AR: variants seen among roughly 807,000 people sequenced by gnomAD.
AR encodes the protein androgen receptor.
AR carries 8 observed loss-of-function variants against 53.9 expected under a neutral mutation model. That is an observed-to-expected ratio of 0.15 (90% confidence interval 0.09 to 0.27). The LOEUF is 0.27. Ranked by LOEUF, AR falls within the 10% of genes least tolerant of loss-of-function variation. The pLI, the probability that AR is intolerant of heterozygous loss-of-function variation, is 1.00. For missense variants in AR, 639 were observed against 742.5 expected, an observed-to-expected ratio of 0.86 and a Z score of 1.62; for synonymous variants, 359 against 316.4, an observed-to-expected ratio of 1.13 and a Z score of -1.43.
chrX:67,640,568 T>A, intron 1 of AR, among the ~76,000 whole-genome samples: 1 of 111,535 alleles, frequency 9.0e-6, no homozygotes, highest in East Asian at 2.8e-4. Context: ...TTCAGGAATT[T>A]ATCTATTTCT....
At position 67,648,551 on chromosome X, in the gene AR, T is replaced by A. The variant is rs181017223; in HGVS notation, c.1768+5144T>A. On this transcript the variant is annotated intron_variant, in intron 2 of 7. Transcript: ENST00000374690. ...ACACTCACCGGCTTAATTCTGGGCC[T>A]CCCCATAACACGACTAGACCACAGG... Among the ~76,000 whole-genome samples the A allele has an allele frequency of 2.7e-5, 3 of 111,505 alleles. No individual in the cohort carries two copies. In the Admixed American group the frequency reaches 2.9e-4, roughly 11 times the overall value.
chrX:67,727,706 C>T lies in AR; in HGVS notation c.*3865C>T, dbSNP rs2147545559. On this transcript the variant is annotated 3_prime_UTR_variant, in exon 8 of 8. Transcript: ENST00000374690. ...TCTCTCCAGACAGCCCAGTAACTAC[C>T]CGAGCATGGCCCCTGCATAGCCCTG... 5.8e-6 allele frequency: 1 copy of T among 172,485 alleles called. No homozygotes were observed. Among genetic ancestry groups the T allele is most frequent in the East Asian group, 8.3e-5 (1 of 12,050 alleles). 14.2% of individuals were successfully genotyped at this position (172,485 alleles called of 1,213,427 possible). A position where few individuals can be genotyped will look rare whatever the true frequency, so the allele number is the denominator to read the frequency against.
chrX:67,618,686 G>C (rs1924229629), intron 1 of AR, among the ~76,000 whole-genome samples: 1 of 111,591 alleles, frequency 9.0e-6, no homozygotes, highest in Non-Finnish European at 1.9e-5. Flanking sequence ...ATTCTATCTA[G>C]GGATAGAGTC....
intron 2 of AR, among the ~76,000 whole-genome samples, chrX:67,675,447 G>A (rs746696598): frequency 9.0e-6 from 1 of 111,711 alleles, no homozygotes; most frequent in Non-Finnish European, 1.9e-5. Flanking sequence ...CACAGTGACA[G>A]GGCTTGCCAG....
rs752528380 is a variant in AR at position 67,605,243 on chromosome X, C to A, written c.1617-38013C>A. Among the ~76,000 whole-genome samples, 7 of 112,322 alleles carry A rather than the reference C, an allele frequency of 6.2e-5. No homozygotes were observed. In the South Asian group the frequency reaches 1.5e-3, roughly 24 times the overall value. On this transcript the variant is annotated intron_variant, in intron 1 of 7. Coordinates refer to ENST00000374690, the MANE Select transcript of AR (RefSeq NM_000044.6). ...TTGGAACAGTGTCCTTCACTTTTGT[C>A]CCTCAGGGACCAGTGTGAGAATGGG...
Position 67,705,164 on chromosome X carries a change from T to G in AR, c.1886-6238T>G, listed in dbSNP as rs184451958. Among the ~76,000 whole-genome samples the G allele has an allele frequency of 2.5e-3, 283 of 111,710 alleles. 1 individual carries two copies. The highest frequency in any genetic ancestry group is 8.2e-3 in the African/African-American group (253 of 30,719). ...GGTTCCATATGAACTTTAAAGTAGT[T>G]TTCTCCAATTCTGTGGAGAAAGTCA... On this transcript the variant is annotated intron_variant, in intron 3 of 7. Coordinates refer to ENST00000374690, the MANE Select transcript of AR (RefSeq NM_000044.6).
At chrX:67,654,807 G>A (rs1218525402) in intron 2 of AR, among the ~76,000 whole-genome samples, 2 of 101,003 alleles carry the variant, frequency 2.0e-5, no homozygotes, top group African/African-American at 7.3e-5. Flanking sequence ...GAAGCTGGAT[G>A]AATATTTTTA....
At chrX:67,555,887 A>G (rs919279914) in intron 1 of AR, among the ~76,000 whole-genome samples, 1 of 112,475 alleles carries the variant, frequency 8.9e-6, no homozygotes, top group Non-Finnish European at 1.9e-5. Flanking sequence ...GATAACTTGA[A>G]CCAGAACTGC....
intron 2 of AR, among the ~76,000 whole-genome samples, chrX:67,663,124 AT>A (rs1377234346): frequency 9.0e-6 from 1 of 111,593 alleles, no homozygotes; most frequent in Non-Finnish European, 1.9e-5. Context: ...GCCCATTTAC[AT>A]TTAAGGTTAA....
intron 2 of AR, among the ~76,000 whole-genome samples, chrX:67,681,435 G>A (rs753505761): frequency 2.7e-5 from 3 of 111,969 alleles, no homozygotes; most frequent in Non-Finnish European, 5.6e-5. Flanking sequence ...CACTCAGAAC[G>A]CTTTGTCTTC....
intron 3 of AR, among the ~76,000 whole-genome samples, chrX:67,702,374 G>A (rs1486354530): frequency 1.8e-5 from 2 of 111,372 alleles, no homozygotes; most frequent in African/African-American, 6.5e-5. Flanking sequence ...AGTCTGTGGA[G>A]CTGTGTCCAA....
At chrX:67,618,736 G>A (rs1455191034) in intron 1 of AR, among the ~76,000 whole-genome samples, 2 of 111,285 alleles carry the variant, frequency 1.8e-5, no homozygotes, top group Non-Finnish European at 3.8e-5. Flanking sequence ...CTCTTGGGCT[G>A]AGACCTGAGT....
intron 1 of AR, among the ~76,000 whole-genome samples, chrX:67,626,653 T>C (rs1433961782): frequency 9.9e-6 from 1 of 101,375 alleles, no homozygotes; most frequent in Non-Finnish European, 2.0e-5. Flanking sequence ...TATTATACTT[T>C]AAGTTTTAGG....
chrX:67,546,511 TGGTGGCGGC>T lies in AR; in HGVS notation c.1368_1376del (p.Gly471_Gly473del), dbSNP rs1555969927. On this transcript the variant is annotated inframe_deletion, in exon 1 of 8. Coordinates refer to ENST00000374690, the MANE Select transcript of AR (RefSeq NM_000044.6). ...ATGGACCGTGTGGTGGTGGTGGGGG[TGGTGGCGGC>T]GGCGGCGGCGGCGGCGGCGGCGGCG... The T allele has an allele frequency of 5.9e-6, 3 of 511,604 alleles. No homozygotes were observed. The highest frequency in any genetic ancestry group is 8.1e-6 in the Non-Finnish European group (3 of 371,753). The allele number at this position is 511,604 out of a possible 1,213,427, so 42.2% of individuals were successfully genotyped here.
chrX:67,588,661 G>A (rs1001638316), intron 1 of AR, among the ~76,000 whole-genome samples: 2 of 112,230 alleles, frequency 1.8e-5, no homozygotes, highest in African/African-American at 6.5e-5. Flanking sequence ...GCTGATGCCC[G>A]GCTGATGCCC....
intron 2 of AR, among the ~76,000 whole-genome samples, chrX:67,646,850 G>A (rs1424097694): frequency 4.5e-5 from 5 of 111,008 alleles, no homozygotes; most frequent in Admixed American, 1.9e-4. Flanking sequence ...ACCTGCATAA[G>A]TTTTTGGTCT....
At chrX:67,580,179 A>T (rs1922229796) in intron 1 of AR, among the ~76,000 whole-genome samples, 1 of 110,082 alleles carries the variant, frequency 9.1e-6, no homozygotes, top group African/African-American at 3.3e-5. Context: ...AAAAAAAAAA[A>T]GCATCTCCAG....
At chrX:67,643,888 A>G (rs1195122382) in intron 2 of AR, among the ~76,000 whole-genome samples, 1 of 111,570 alleles carries the variant, frequency 9.0e-6, no homozygotes. Context: ...TCAGCAGACT[A>G]TCAGTCTCTG....
chrX:67,655,515 T>C (rs1235424082), intron 2 of AR, among the ~76,000 whole-genome samples: 1 of 110,606 alleles, frequency 9.0e-6, no homozygotes, highest in South Asian at 3.8e-4. Context: ...GAGATAGATA[T>C]AGGAAACAAA....
Sources: gnomAD v4.1 joint callset for allele counts (sites outside exome capture counted in the v4.1 genomes callset) on GRCh38, gnomAD v4.1.1 for gene constraint, MANE v1.5 for transcripts, NCBI Gene and HGNC (gene_info 2026-07-23, HGNC 2026-07-21) for gene names.